The following SLC35F1 variants were observed in gnomAD, a reference collection of about 807,000 sequenced individuals.
SLC35F1 encodes the protein chromosome 6 open reading frame 169.
SLC35F1 carries 14 observed loss-of-function variants against 48.7 expected under a neutral mutation model. The ratio of observed to expected loss-of-function variants is 0.29; its 90% CI spans 0.19 to 0.45. The LOEUF (loss-of-function observed/expected upper bound fraction) is 0.45. Among genes scored for constraint, SLC35F1 ranks in the 20% least tolerant of loss-of-function variants. The pLI is 1.00. For missense variants in SLC35F1, 404 were observed against 500.0 expected, an observed-to-expected ratio of 0.81 and a Z score of 1.83; for synonymous variants, 190 against 202.2, an observed-to-expected ratio of 0.94 and a Z score of 0.51.
At chr6:118,160,841 C>A (rs886955409) in intron 2 of SLC35F1, among the ~76,000 whole-genome samples, 1 of 151,528 alleles carries the variant, frequency 6.6e-6, no homozygotes, top group African/African-American at 2.4e-5. Flanking sequence ...GTCCCACAAA[C>A]CTTGGCATTT....
At chr6:118,081,223 T>C (rs1772902202) in intron 1 of SLC35F1, among the ~76,000 whole-genome samples, 1 of 152,184 alleles carries the variant, frequency 6.6e-6, no homozygotes, top group African/African-American at 2.4e-5. Context: ...ACAAACCTTA[T>C]AGAGATGTTA....
intron 1 of SLC35F1, among the ~76,000 whole-genome samples, chr6:117,960,892 A>C (rs978030464): frequency 1.3e-5 from 2 of 152,180 alleles, no homozygotes; most frequent in African/African-American, 4.8e-5. Context: ...TCCTTCATTG[A>C]CTGGGCTCTT....
At chr6:118,217,832 C>T (rs1775095860) in intron 2 of SLC35F1, among the ~76,000 whole-genome samples, 1 of 152,120 alleles carries the variant, frequency 6.6e-6, no homozygotes, top group African/African-American at 2.4e-5. Flanking sequence ...ATCAGCTCAG[C>T]AATTTTCTCT....
intron 1 of SLC35F1, among the ~76,000 whole-genome samples, chr6:118,069,685 C>T (rs1440778367): frequency 6.6e-6 from 1 of 152,154 alleles, no homozygotes; most frequent in African/African-American, 2.4e-5. Flanking sequence ...CTATTCTTTG[C>T]AGCAGAAATA....
chr6:118,056,113 GTGTT>G (rs1053073260), intron 1 of SLC35F1, among the ~76,000 whole-genome samples: 3 of 152,180 alleles, frequency 2.0e-5, no homozygotes, highest in African/African-American at 7.2e-5. Flanking sequence ...ACTTTTCTAA[GTGTT>G]TGTGTTGCCT....
chr6:118,038,258 G>A (rs1029057664), intron 1 of SLC35F1, among the ~76,000 whole-genome samples: 11 of 152,032 alleles, frequency 7.2e-5, no homozygotes, highest in Admixed American at 5.9e-4. Context: ...TTATATTACT[G>A]TAGATATTTC....
chr6:117,910,510 A>AC (rs1199558576), intron 1 of SLC35F1, among the ~76,000 whole-genome samples: 1 of 151,908 alleles, frequency 6.6e-6, no homozygotes, highest in African/African-American at 2.4e-5. Context: ...TCTTTCCTCT[A>AC]CCCTTGGCAT....
chr6:118,073,361 A>G (rs1210397969), intron 1 of SLC35F1, among the ~76,000 whole-genome samples: 1 of 152,222 alleles, frequency 6.6e-6, no homozygotes, highest in African/African-American at 2.4e-5. Context: ...AAACTCACCA[A>G]AGTTCAGTTG....
intron 1 of SLC35F1, among the ~76,000 whole-genome samples, chr6:117,923,287 C>A (rs1775925881): frequency 6.6e-6 from 1 of 151,932 alleles, no homozygotes; most frequent in Non-Finnish European, 1.5e-5. Context: ...TTTCAGCAGT[C>A]ATTCCGTGTG....
intron 1 of SLC35F1, among the ~76,000 whole-genome samples, chr6:117,912,227 ATTTCCAACTTATATTTAGATTTAT>A (rs1354413750): frequency 6.6e-6 from 1 of 152,180 alleles, no homozygotes; most frequent in Non-Finnish European, 1.5e-5. Context: ...GAATGAACTG[ATTTCCAACTTATATTTAGATTTAT>A]TTTCAAATTT....
At chr6:118,159,207 C>G (rs1774189972) in intron 2 of SLC35F1, among the ~76,000 whole-genome samples, 1 of 106,764 alleles carries the variant, frequency 9.4e-6, no homozygotes, top group Non-Finnish European at 1.7e-5. Context: ...GGCCATAGAG[C>G]GAGACTCTGT....
intron 1 of SLC35F1, among the ~76,000 whole-genome samples, chr6:117,962,214 T>C (rs1776506475): frequency 2.0e-5 from 3 of 152,204 alleles, no homozygotes; most frequent in Non-Finnish European, 2.9e-5. Context: ...AGCAGGGGAC[T>C]GCCTTTCCCA....
chr6:118,190,002 C>T (rs367980132), intron 2 of SLC35F1, among the ~76,000 whole-genome samples: 20 of 152,308 alleles, frequency 1.3e-4, no homozygotes, highest in African/African-American at 4.8e-4. Flanking sequence ...ATCTTGTCTA[C>T]TTGTTAAATT....
chr6:118,223,292 A>G (rs1232820641), intron 2 of SLC35F1, among the ~76,000 whole-genome samples: 1 of 152,224 alleles, frequency 6.6e-6, no homozygotes, highest in Non-Finnish European at 1.5e-5. Flanking sequence ...TCTGAAAAAT[A>G]CTTTTCTCAC....
chr6:118,024,293 C>T (rs1041300104), intron 1 of SLC35F1, among the ~76,000 whole-genome samples: 4 of 152,098 alleles, frequency 2.6e-5, no homozygotes, highest in African/African-American at 7.2e-5. Flanking sequence ...CAAAAAAATC[C>T]TTTCCCAGTT....
chr6:117,910,353 T>C (rs12526002), intron 1 of SLC35F1, among the ~76,000 whole-genome samples: 42,262 of 152,116 alleles, frequency 0.28, 6,003 homozygotes, highest in Middle Eastern at 0.36. Flanking sequence ...GGCAGGCCCA[T>C]TGGGGCCTAA....
intron 1 of SLC35F1, among the ~76,000 whole-genome samples, chr6:118,002,359 C>A (rs1481866416): frequency 1.3e-5 from 2 of 151,848 alleles, no homozygotes; most frequent in African/African-American, 4.8e-5. Context: ...GGACAAAAAA[C>A]CAAACACCGC....
At chr6:118,044,218 C>G (rs1772268113) in intron 1 of SLC35F1, among the ~76,000 whole-genome samples, 1 of 152,196 alleles carries the variant, frequency 6.6e-6, no homozygotes, top group Non-Finnish European at 1.5e-5. Flanking sequence ...TTGCACCCAT[C>G]ATCCATAGGA....
At chr6:117,966,285 C>T (rs375100923) in intron 1 of SLC35F1, among the ~76,000 whole-genome samples, 1 of 152,166 alleles carries the variant, frequency 6.6e-6, no homozygotes, top group African/African-American at 2.4e-5. Flanking sequence ...ATGTAACACT[C>T]ACGGCAAAGG....
Sources: allele counts gnomAD v4.1 joint callset (sites outside exome capture counted in the v4.1 genomes callset), GRCh38; gene constraint gnomAD v4.1.1; transcripts MANE v1.5; gene names NCBI Gene and HGNC (gene_info 2026-07-23, HGNC 2026-07-21).